Variants in BMPR2 observed in about 807,000 individuals in gnomAD.
BMPR2 encodes the protein bone morphogenetic protein receptor type 2.
BMPR2 carries 29 observed loss-of-function variants against 100.8 expected under a neutral mutation model. The ratio of observed to expected loss-of-function variants is 0.29; its 90% CI spans 0.21 to 0.39. The LOEUF is 0.39. Ranked by LOEUF, BMPR2 falls within the 10% of genes least tolerant of loss-of-function variation. The probability of loss-of-function intolerance (pLI) is 1.00; values close to 1 mark genes in which losing one functional copy is unlikely to be tolerated. For missense variants in BMPR2, 1,011 were observed against 1,274.5 expected (o/e 0.79, Z 3.15); for synonymous variants, 382 against 442.3 (o/e 0.86, Z 1.71).
At chr2:202,546,787 A>G (rs939842605) in intron 10 of BMPR2, among the ~76,000 whole-genome samples, 8 of 152,014 alleles carry the variant, frequency 5.3e-5, no homozygotes, top group African/African-American at 1.9e-4. Context: ...TGTTTTTCGT[A>G]GAGATGGGGT....
Position 202,469,325 on chromosome 2 carries a change from G to A in BMPR2, c.418+1636G>A, listed in dbSNP as rs189560348. On this transcript the variant is annotated intron_variant, in intron 3 of 12. Coordinates refer to ENST00000374580, the MANE Select transcript of BMPR2 (RefSeq NM_001204.7). Reference sequence around the variant, plus strand: ...TTACAGGTGTGAGCCACCGTACTCGGCCTGAGTGTAGCTTTTTGTATGTAG... The same window carrying A: ...TTACAGGTGTGAGCCACCGTACTCGACCTGAGTGTAGCTTTTTGTATGTAG... 2.7e-3 allele frequency among the ~76,000 whole-genome samples: 413 copies of A among 152,034 alleles called. 9 individuals are homozygous for A. Among genetic ancestry groups the A allele is most frequent in the Non-Finnish European group, 4.6e-4 (31 of 67,986 alleles).
At chr2:202,458,703 A>AT (rs1692170104) in intron 1 of BMPR2, among the ~76,000 whole-genome samples, 1 of 152,078 alleles carries the variant, frequency 6.6e-6, no homozygotes, top group Non-Finnish European at 1.5e-5. Context: ...TTTGACGTGT[A>AT]TTTTTTGCAT....
rs887484040 is a variant in BMPR2, at chr2:202,503,424, C to T, written c.419-10295C>T. 6.6e-5 allele frequency among the ~76,000 whole-genome samples: 10 copies of T among 152,382 alleles called. No homozygotes were observed. In the Middle Eastern group the frequency reaches 0.01, roughly 155 times the overall value. ...GAACCGGGGCGGCGTGCCGCGCTTG[C>T]GGGCCAGCCGGAGTTCCGGTTGGGC... On this transcript the variant is annotated intron_variant, in intron 3 of 12. Transcript: ENST00000374580. The surrounding 1 kb of genome is among the most constrained non-coding windows in gnomAD (Gnocchi z 4.0).
chr2:202,497,784 A>G (rs1291003724), intron 3 of BMPR2, among the ~76,000 whole-genome samples: 2 of 152,150 alleles, frequency 1.3e-5, no homozygotes, highest in Non-Finnish European at 1.5e-5. Flanking sequence ...AAAAATTGCT[A>G]CCTGTCTCTG....
At position 202,534,960 on chromosome 2, in the gene BMPR2, C is replaced by CG. The variant is rs1688107659; in HGVS notation, c.1276+2228_1276+2229insG. Among the ~76,000 whole-genome samples the CG allele has an allele frequency of 3.8e-4, 54 of 141,372 alleles. 3 individuals carry two copies. Among genetic ancestry groups the CG allele is most frequent in the African/African-American group, 1.1e-3 (42 of 37,606 alleles). The allele number at this position is 141,372 out of a possible 152,430, so 92.7% of individuals were successfully genotyped here. On this transcript the variant is annotated intron_variant, in intron 9 of 12. Coordinates refer to ENST00000374580, the MANE Select transcript of BMPR2 (RefSeq NM_001204.7). ...CTGGCCGGGCGGGGGGCTGACCCCC[C>CG]CCACCTCCTGGCCGGGCGGGTGGCT... is the stretch of plus-strand genomic sequence containing the variant.
chr2:202,559,130 C>T (rs564340782), intron 12 of BMPR2, among the ~76,000 whole-genome samples: 5 of 151,772 alleles, frequency 3.3e-5, no homozygotes, highest in South Asian at 4.2e-4. Flanking sequence ...TGAAACCCCC[C>T]GTCTCTACTA....
intron 1 of BMPR2, among the ~76,000 whole-genome samples, chr2:202,392,351 G>A (rs772330709): frequency 1.3e-5 from 2 of 152,038 alleles, no homozygotes; most frequent in Non-Finnish European, 2.9e-5. Context: ...GATTACAGGC[G>A]TGAGCCACTG....
chr2:202,404,094 G>A (rs1211882305), intron 1 of BMPR2, among the ~76,000 whole-genome samples: 1 of 149,770 alleles, frequency 6.7e-6, no homozygotes, highest in Non-Finnish European at 1.5e-5. Flanking sequence ...TACCAAATTT[G>A]TAAGTCTTAT....
chr2:202,376,898 C>G lies in BMPR2; in HGVS notation c.-577C>G. The G allele has an allele frequency of 2.3e-6, 1 of 432,012 alleles. No individual in the cohort carries two copies. Among genetic ancestry groups the G allele is most frequent in the East Asian group, 3.4e-5 (1 of 29,518 alleles). The allele number at this position is 432,012 out of a possible 1,614,324, so 26.8% of individuals were successfully genotyped here. A position where few individuals can be genotyped will look rare whatever the true frequency, so the allele number is the denominator to read the frequency against. On this transcript the variant is annotated 5_prime_UTR_variant, in exon 1 of 13. Transcript: ENST00000374580. The stretch of plus-strand genomic sequence containing the variant: ...AGGCAGGCACCTTTTTTGATCCAGT[C>G]AAGGAAGAGGATTTGTTGTTTTCGA...
At chr2:202,514,643 A>T (rs956202140) in intron 4 of BMPR2, among the ~76,000 whole-genome samples, 54 of 152,284 alleles carry the variant, frequency 3.5e-4, no homozygotes, top group African/African-American at 1.3e-3. Context: ...TAGGGTTTTA[A>T]ACTTTTAAAG....
intron 7 of BMPR2, among the ~76,000 whole-genome samples, chr2:202,529,743 A>G (rs1484116836): frequency 1.3e-5 from 2 of 152,174 alleles, no homozygotes; most frequent in South Asian, 2.1e-4. Flanking sequence ...ATAATTATCT[A>G]TAGTTTCATT....
In BMPR2 at chr2:202,520,214, A is replaced by G. The variant is rs753588897; in HGVS notation, c.967+13A>G. On this transcript the variant is annotated intron_variant, in intron 7 of 12. Transcript: ENST00000374580. ...TTACCACGAGGAGGTAAGATAGTCA[A>G]TAGATGAAATTGACACTCATGTGGG... 6.3e-6 allele frequency: 10 copies of G among 1,576,308 alleles called. No individual in the cohort carries two copies. The highest frequency in any genetic ancestry group is 2.7e-5 in the African/African-American group (2 of 74,116).
chr2:202,458,477 A>AT lies in BMPR2; in HGVS notation c.77-6321dup, dbSNP rs556658541. On this transcript the variant is annotated intron_variant, in intron 1 of 12. Transcript: ENST00000374580. The stretch of plus-strand genomic sequence containing the variant: ...TTACTGAGACCCTGTCTCAAAAAAA[A>AT]TTTTTTTTTTTAAATTAAATGCTTA... Among the ~76,000 whole-genome samples, 420 of 149,102 alleles carry AT rather than the reference A, an allele frequency of 2.8e-3. 2 individuals carry two copies. The highest frequency in any genetic ancestry group is 6.9e-3 in the Middle Eastern group (2 of 288).
intron 1 of BMPR2, among the ~76,000 whole-genome samples, chr2:202,413,279 C>T (rs1691050690): frequency 6.6e-6 from 1 of 152,112 alleles, no homozygotes; most frequent in East Asian, 1.9e-4. Flanking sequence ...GTCTGGTGTT[C>T]TAAGTGCAAG....
At chr2:202,493,591 T>C (rs2105983968) in intron 3 of BMPR2, among the ~76,000 whole-genome samples, 1 of 152,324 alleles carries the variant, frequency 6.6e-6, no homozygotes, top group East Asian at 1.9e-4. Context: ...ACTGTTTTAA[T>C]TCATTCTTTA....
At chr2:202,504,708 C>T (rs1439225128) in intron 3 of BMPR2, among the ~76,000 whole-genome samples, 1 of 130,860 alleles carries the variant, frequency 7.6e-6, no homozygotes, top group Non-Finnish European at 1.5e-5. Flanking sequence ...TTGAGAGAGT[C>T]GCACTCTGTC....
chr2:202,538,646 T>C (rs1240343794), intron 9 of BMPR2, among the ~76,000 whole-genome samples: 1 of 150,972 alleles, frequency 6.6e-6, no homozygotes, highest in Non-Finnish European at 1.5e-5. Flanking sequence ...ACAAAAAAAT[T>C]AGCCGGGCTT....
At chr2:202,537,961 C>A (rs1034941777) in intron 9 of BMPR2, among the ~76,000 whole-genome samples, 1 of 151,580 alleles carries the variant, frequency 6.6e-6, no homozygotes, top group Non-Finnish European at 1.5e-5. Flanking sequence ...CGCTCTACTA[C>A]AAATACAAAA....
At chr2:202,394,275 C>T (rs1164353931) in intron 1 of BMPR2, among the ~76,000 whole-genome samples, 2 of 151,770 alleles carry the variant, frequency 1.3e-5, no homozygotes, top group Non-Finnish European at 2.9e-5. Flanking sequence ...TGCTTGAACC[C>T]GGAAGGCGGA....
Sources: gnomAD v4.1 joint callset for allele counts (sites outside exome capture counted in the v4.1 genomes callset) on GRCh38, gnomAD v4.1.1 for gene constraint, Gnocchi (gnomAD v3.1) non-coding constraint, MANE v1.5 for transcripts, NCBI Gene and HGNC (gene_info 2026-07-23, HGNC 2026-07-21) for gene names.